The following TSPAN32 variants were observed in gnomAD, a reference collection of about 807,000 sequenced individuals.
TSPAN32 encodes tetraspanin 32.
In TSPAN32, 47 loss-of-function variants were observed where a neutral mutation model predicts 42.7. The observed-to-expected ratio is 1.10, with a 90% confidence interval of 0.87 to 1.40. The LOEUF is 1.40. TSPAN32 is among the 40% of genes most tolerant of loss of function. The pLI, the probability that TSPAN32 is intolerant of heterozygous loss-of-function variation, is 0.00. For synonymous variants in TSPAN32, 175 were observed against 175.9 expected (o/e 0.99, Z 0.04); for missense variants, 469 against 424.1 (o/e 1.11, Z -0.93).
Position 2,304,238 on chromosome 11 carries a change from C to T in TSPAN32, c.279+34C>T. ...ATTGTGTTCCCAGATGCCCAGGCCCCCAGAAAAGAATTAGAAAGGAGTGAA... is the reference window on the plus strand; with the variant it reads ...ATTGTGTTCCCAGATGCCCAGGCCCTCAGAAAAGAATTAGAAAGGAGTGAA... On this transcript the variant is annotated intron_variant, in intron 3 of 9. Transcript: ENST00000182290. This position sits in a 1 kb window ranked among gnomAD's most constrained non-coding sequence, Gnocchi z 4.8. The T allele has an allele frequency of 6.9e-7, 1 of 1,438,862 alleles. No homozygotes were observed. Among genetic ancestry groups the T allele is most frequent in the Non-Finnish European group, 9.3e-7 (1 of 1,071,160 alleles). 89.1% of individuals were successfully genotyped at this position (1,438,862 alleles called of 1,614,324 possible).
At chr11:2,309,182 A>T in intron 4 of TSPAN32, 1 of 383,306 alleles carries the variant, frequency 2.6e-6, no homozygotes, top group Non-Finnish European at 5.4e-6. Flanking sequence ...GGTTGACTAG[A>T]AGGAGCAGAG....
At position 2,302,194 on chromosome 11, in the gene TSPAN32, G is replaced by C; in HGVS notation, c.45G>C (p.Leu15=). 7.1e-7 allele frequency: 1 copy of C among 1,412,394 alleles called. No individual in the cohort carries two copies. Among genetic ancestry groups the C allele is most frequent in the Non-Finnish European group, 9.3e-7 (1 of 1,078,648 alleles). 87.5% of individuals were successfully genotyped at this position (1,412,394 alleles called of 1,614,324 possible). The change falls in exon 1 of 10, where the codon CTG becomes CTC. Residue 15 remains leucine (L), a synonymous_variant. Coordinates refer to ENST00000182290, the MANE Select transcript of TSPAN32 (RefSeq NM_139022.3). ...SRVRVAKCQM[L]VTCFFILLLG... is the part of the protein sequence containing the mutation. ...TCAGGGTTGCCAAATGCCAGATGCT[G>C]GTCACCTGCTTCTTTATCTTGGTAA...
intron 5 of TSPAN32, 85 bp from the exon 6 acceptor site, chr11:2,314,400 G>A (rs943295470): frequency 1.8e-5 from 19 of 1,081,992 alleles, no homozygotes; most frequent in Non-Finnish European, 2.6e-5. Flanking sequence ...CTGGATACTT[G>A]TGGTGCCTCA....
chr11:2,313,719 C>A lies in TSPAN32; in HGVS notation c.420C>A (p.His140Gln), dbSNP rs368872715. 3 of 1,606,758 alleles carry A rather than the reference C, an allele frequency of 1.9e-6. No individual in the cohort carries two copies. The highest frequency in any genetic ancestry group is 2.5e-6 in the Non-Finnish European group (3 of 1,177,896). The part of the protein sequence containing the change: ...VYEQAMKGTS[H>Q]VRRQELAAIQ... ...AGCAGGCGATGAAAGGTACGTCCCA[C>A]GTCCGGCGGCAGGAGCTGGCGGCCA... is the stretch of plus-strand genomic sequence containing the variant. Residue 140 changes from histidine (H) to glutamine (Q), a missense_variant, in exon 5 of 10, where the codon CAC becomes CAA. Transcript: ENST00000182290. The surrounding 1 kb of genome is among the most constrained non-coding windows in gnomAD (Gnocchi z 9.1).
chr11:2,309,094 C>T (rs1001214626), intron 4 of TSPAN32, among the ~76,000 whole-genome samples: 2 of 152,126 alleles, frequency 1.3e-5, no homozygotes, highest in African/African-American at 2.4e-5. Context: ...AGCCCACCCC[C>T]TCCTGAGCTG....
In TSPAN32 at chr11:2,302,918, G is replaced by A. The variant is rs368347803; in HGVS notation, c.141G>A (p.Ala47=). 4.9e-5 allele frequency: 79 copies of A among 1,613,708 alleles called. No homozygotes were observed. The highest frequency in any genetic ancestry group is 3.7e-4 in the South Asian group (34 of 91,080). The part of the protein sequence containing the change: ...FGAHFAVIRR[A]SLEKNPYQAV... ...CCCACTTTGCTGTCATCCGCCGAGC[G>A]TCCCTGGAGAAGAACCCGTACCAGG... The change falls in exon 2 of 10, where the codon GCG becomes GCA. Residue 47 remains alanine, a synonymous_variant. Transcript: ENST00000182290.
At chr11:2,314,174 A>AAG (rs1554941887) in intron 5 of TSPAN32, among the ~76,000 whole-genome samples, 1 of 151,262 alleles carries the variant, frequency 6.6e-6, no homozygotes, top group Admixed American at 6.6e-5. Flanking sequence ...AAAAAAAAAA[A>AAG]AAAAGAAAAG....
intron 2 of TSPAN32, 55 bp downstream of exon 2, chr11:2,303,013 C>G: frequency 1.3e-6 from 2 of 1,499,082 alleles, no homozygotes; most frequent in Non-Finnish European, 1.8e-6. Flanking sequence ...GCAAGGGTGG[C>G]TGGCACGAGC....
intron 1 of TSPAN32, 78 bp downstream of exon 1, chr11:2,302,293 G>T (rs975665446): frequency 1.5e-5 from 20 of 1,313,350 alleles, no homozygotes; most frequent in Non-Finnish European, 1.8e-5. Context: ...TCAGCACAGG[G>T]ATTATCCCTC....
rs1848750075 is a variant in TSPAN32, at chr11:2,315,791, G to T, written c.544-438G>T. On this transcript the variant is annotated intron_variant, in intron 6 of 9. Transcript: ENST00000182290. ...GGGATGGAACCAGGAAGCTGGGACT[G>T]TGCGGGGACCCCCCTCACACCCCTC... 11 of 1,305,112 alleles carry T rather than the reference G, an allele frequency of 8.4e-6. No individual in the cohort carries two copies. The South Asian group carries it at 1.4e-4, about 16-fold the overall frequency. 80.8% of individuals were successfully genotyped at this position (1,305,112 alleles called of 1,614,324 possible).
rs77362567 is a variant in TSPAN32 at position 2,317,156 on chromosome 11, C to T, written c.720-188C>T. 0.019 allele frequency among the ~76,000 whole-genome samples: 2,918 copies of T among 152,268 alleles called. 99 individuals are homozygous for T. Among genetic ancestry groups the T allele is most frequent in the African/African-American group, 0.067 (2,783 of 41,532 alleles). On this transcript the variant is annotated intron_variant, in intron 8 of 9. Transcript: ENST00000182290. The surrounding 1 kb of genome is among the most constrained non-coding windows in gnomAD (Gnocchi z 6.2). The stretch of plus-strand genomic sequence containing the variant: ...TGGGTCCTCTGCATTCTACAATAGC[C>T]TCACAGTCCCGTCTAGAACATTCTG...
chr11:2,308,203 G>T lies in TSPAN32; in HGVS notation c.280-533G>T, dbSNP rs1848224454. On this transcript the variant is annotated intron_variant, in intron 3 of 9. Transcript: ENST00000182290. ...ATTCCCAAAAAGCGCAGGGGAAGGG[G>T]ATGGGAAGGTGCTATGGAACCCACG... Among the ~76,000 whole-genome samples, 2 of 152,138 alleles carry T rather than the reference G, an allele frequency of 1.3e-5. 1 individual carries two copies. The highest frequency in any genetic ancestry group is 4.8e-5 in the African/African-American group (2 of 41,422).
chr11:2,302,783 C>A, intron 1 of TSPAN32, 61 bp from the exon 2 acceptor site: 2 of 1,445,236 alleles, frequency 1.4e-6, no homozygotes, highest in Admixed American at 1.8e-5. Context: ...CCCGCTGGGG[C>A]CGAGCTCCCT....
chr11:2,316,786 T>TGGCTG lies in TSPAN32; in HGVS notation c.719+119_719+120insGGCTG, dbSNP rs1848825500. 8.6e-5 allele frequency: 97 copies of TGGCTG among 1,123,100 alleles called. 4 individuals carry two copies. The South Asian group carries it at 1.6e-3, about 19-fold the overall frequency. The allele number at this position is 1,123,100 out of a possible 1,614,324, so 69.6% of individuals were successfully genotyped here. On this transcript the variant is annotated intron_variant, in intron 8 of 9. Coordinates refer to ENST00000182290, the MANE Select transcript of TSPAN32 (RefSeq NM_139022.3). ...GGGACCAAGCCCCAGGCTGACACTG[T>TGGCTG]AGAGGAAACGCTTTGGGGGTGGCTG... is the stretch of plus-strand genomic sequence containing the variant.
chr11:2,315,271 G>C (rs1360319286), intron 6 of TSPAN32: 1 of 1,195,054 alleles, frequency 8.4e-7, no homozygotes, highest in African/African-American at 1.7e-5. Context: ...GACCCTCCAA[G>C]AAACAGAGGG....
In TSPAN32 at chr11:2,306,335, G is replaced by A. The variant is rs560531254; in HGVS notation, c.279+2131G>A. On this transcript the variant is annotated intron_variant, in intron 3 of 9. Coordinates refer to ENST00000182290, the MANE Select transcript of TSPAN32 (RefSeq NM_139022.3). Reference sequence around the variant, plus strand: ...AGGAAATGAAAGAGCTTGCTGGGCTGAGAGAGCAGAGCTGGCAGCGCCGCC... The same window carrying A: ...AGGAAATGAAAGAGCTTGCTGGGCTAAGAGAGCAGAGCTGGCAGCGCCGCC... Among the ~76,000 whole-genome samples the A allele has an allele frequency of 3.3e-5, 5 of 152,234 alleles. No homozygotes were observed. In the South Asian group the frequency reaches 1.0e-3, roughly 32 times the overall value.
At position 2,302,129 on chromosome 11, in the gene TSPAN32, G is replaced by A. The variant is rs1308206198; in HGVS notation, c.-21G>A. On this transcript the variant is annotated 5_prime_UTR_variant, in exon 1 of 10. Coordinates refer to ENST00000182290, the MANE Select transcript of TSPAN32 (RefSeq NM_139022.3). ...ACAGGGAGGGGAAGGGAGGGGAGGA[G>A]AGGAGAGGAGAGGAACCGTCATGGG... is the stretch of plus-strand genomic sequence containing the variant. The A allele has an allele frequency of 6.8e-7, 1 of 1,478,140 alleles. No homozygotes were observed. The highest frequency in any genetic ancestry group is 9.0e-7 in the Non-Finnish European group (1 of 1,114,514). 91.6% of individuals were successfully genotyped at this position (1,478,140 alleles called of 1,614,324 possible).
Position 2,313,765 on chromosome 11 carries a change from G to C in TSPAN32, c.456+10G>C. ...GGCCATCCAGGACGTGGTGAGCGTG[G>C]GGACGGCTGGGTGGCAGGGCGGTCA... On this transcript the variant is annotated intron_variant, in intron 5 of 9. Coordinates refer to ENST00000182290, the MANE Select transcript of TSPAN32 (RefSeq NM_139022.3). This position sits in a 1 kb window ranked among gnomAD's most constrained non-coding sequence, Gnocchi z 9.1. The C allele has an allele frequency of 1.3e-6, 2 of 1,577,874 alleles. No homozygotes were observed.
chr11:2,302,854 T>C lies in TSPAN32; in HGVS notation c.77T>C (p.Leu26Pro), dbSNP rs1457319722. The change falls in exon 2 of 10, where the codon CTC becomes CCC. Residue 26 changes from leucine (L) to proline (P), a missense_variant. Transcript: ENST00000182290. ...VTCFFILLLGLSVATMVTLTY... is the reference protein window; with the variant it reads ...VTCFFILLLGPSVATMVTLTY... ...CTGCCCTATCCACAGCTGCTGGGCC[T>C]CTCTGTGGCCACCATGGTGACTCTT... 6.2e-7 allele frequency: 1 copy of C among 1,613,432 alleles called. No individual in the cohort carries two copies. The highest frequency in any genetic ancestry group is 1.7e-5 in the Admixed American group (1 of 60,006).
Sources: allele counts gnomAD v4.1 joint callset (sites outside exome capture counted in the v4.1 genomes callset), GRCh38; gene constraint gnomAD v4.1.1; non-coding constraint Gnocchi (gnomAD v3.1); transcripts MANE v1.5; gene names NCBI Gene and HGNC (gene_info 2026-07-23, HGNC 2026-07-21).